Variants in ANKFN1 observed in about 807,000 individuals in gnomAD.
ANKFN1 encodes ankyrin repeat and fibronectin type-III domain-containing protein 1.
In ANKFN1, 74 loss-of-function variants were observed where a neutral mutation model predicts 108.7. That is an observed-to-expected ratio of 0.68 (90% CI 0.56 to 0.83). The LOEUF (loss-of-function observed/expected upper bound fraction) is 0.83. Among genes scored for constraint, ANKFN1 ranks in the 40% least tolerant of loss-of-function variants. ANKFN1 has a pLI of 0.00. For missense variants in ANKFN1, 1,505 were observed against 1,382.3 expected (o/e 1.09, Z -1.41); for synonymous variants, 547 against 516.2 (o/e 1.06, Z -0.81).
chr17:56,472,287 T>A (rs1172877408), intron 15 of ANKFN1: 1 of 152,188 alleles, frequency 6.6e-6, no homozygotes, highest in Admixed American at 6.5e-5. Context: ...GCAGTCCATA[T>A]AATCTTGGAC....
intron 4 of ANKFN1, among the ~76,000 whole-genome samples, chr17:56,090,489 C>G (rs1905391593): frequency 6.6e-6 from 1 of 151,258 alleles, no homozygotes; most frequent in Admixed American, 6.6e-5. Context: ...AGAATTGTCT[C>G]TGTGCTTAGG....
chr17:56,435,212 A>G (rs969028396), intron 8 of ANKFN1, among the ~76,000 whole-genome samples: 17 of 152,126 alleles, frequency 1.1e-4, no homozygotes, highest in African/African-American at 4.1e-4. Context: ...GACTTCAAGC[A>G]TTCCAAAGTC....
chr17:56,220,534 T>A (rs1915754685), intron 2 of ANKFN1, among the ~76,000 whole-genome samples: 1 of 151,820 alleles, frequency 6.6e-6, no homozygotes, highest in Admixed American at 6.6e-5. Context: ...GTGGGGCATG[T>A]CTGTAGTCCC....
intron 20 of ANKFN1, among the ~76,000 whole-genome samples, chr17:56,499,468 G>C (rs2051300267): frequency 6.6e-6 from 1 of 152,130 alleles, no homozygotes; most frequent in South Asian, 2.1e-4. Context: ...TAAGGAAAGA[G>C]AACAGGCCCA....
intron 4 of ANKFN1, among the ~76,000 whole-genome samples, chr17:56,335,771 A>G (rs2045789663): frequency 6.6e-6 from 1 of 152,186 alleles, no homozygotes; most frequent in Admixed American, 6.5e-5. Flanking sequence ...GAGTGGTGAG[A>G]GAGGGCATCC....
chr17:56,242,121 C>T (rs1204561547), intron 3 of ANKFN1, among the ~76,000 whole-genome samples: 1 of 152,098 alleles, frequency 6.6e-6, no homozygotes, highest in Non-Finnish European at 1.5e-5. Context: ...GGTAGGGCTG[C>T]TGTAATTTTT....
chr17:56,395,452 G>A (rs1225679580), intron 8 of ANKFN1, among the ~76,000 whole-genome samples: 1 of 152,224 alleles, frequency 6.6e-6, no homozygotes, highest in Non-Finnish European at 1.5e-5. Context: ...GCCTCCCAAA[G>A]ACACAGAGTG....
At chr17:56,407,653 C>G (rs528230839) in intron 8 of ANKFN1, among the ~76,000 whole-genome samples, 30 of 152,256 alleles carry the variant, frequency 2.0e-4, no homozygotes, top group Admixed American at 6.5e-4. Context: ...CCACTCCCAT[C>G]TCAGAACTCC....
chr17:56,426,190 A>G (rs553091417), intron 8 of ANKFN1, among the ~76,000 whole-genome samples: 1 of 152,230 alleles, frequency 6.6e-6, no homozygotes, highest in Admixed American at 6.5e-5. Context: ...ATCCTGGTCA[A>G]TGACCTTCCT....
intron 18 of ANKFN1, among the ~76,000 whole-genome samples, chr17:56,486,912 C>T (rs945322136): frequency 6.6e-6 from 1 of 152,156 alleles, no homozygotes; most frequent in Non-Finnish European, 1.5e-5. Flanking sequence ...GCAAACTGAC[C>T]TTGTTCCTGC....
At chr17:56,488,946 T>C (rs1402813790) in intron 18 of ANKFN1, among the ~76,000 whole-genome samples, 2 of 152,238 alleles carry the variant, frequency 1.3e-5, no homozygotes, top group Non-Finnish European at 2.9e-5. Flanking sequence ...GTATGTGCCA[T>C]ATGCTGTGCT....
chr17:56,231,653 A>G (rs1011614415), intron 3 of ANKFN1, among the ~76,000 whole-genome samples: 7 of 152,202 alleles, frequency 4.6e-5, no homozygotes, highest in East Asian at 1.9e-4. Context: ...TTCCATGCAC[A>G]AAGGCCACGT....
chr17:56,357,157 A>G (rs2046397657), intron 6 of ANKFN1, among the ~76,000 whole-genome samples: 1 of 152,196 alleles, frequency 6.6e-6, no homozygotes, highest in South Asian at 2.1e-4. Flanking sequence ...AGGAAACATG[A>G]CACCTAAGTC....
intron 3 of ANKFN1, among the ~76,000 whole-genome samples, chr17:56,280,008 C>CTTTTTTTTTTTTTT (rs3086033): frequency 7.4e-5 from 10 of 134,854 alleles, no homozygotes; most frequent in African/African-American, 2.6e-4. Context: ...CACATAATGT[C>CTTTTTTTTTTTTTT]TTTTTTTTTT....
At chr17:56,125,110 C>T (rs1906846016) in intron 4 of ANKFN1, among the ~76,000 whole-genome samples, 1 of 152,218 alleles carries the variant, frequency 6.6e-6, no homozygotes, top group Admixed American at 6.5e-5. Flanking sequence ...CTTACATTGA[C>T]CTCTCTTTTC....
chr17:56,138,238 T>C (rs1907705622), intron 4 of ANKFN1, among the ~76,000 whole-genome samples: 1 of 152,174 alleles, frequency 6.6e-6, no homozygotes, highest in Admixed American at 6.5e-5. Flanking sequence ...ATGAACCCTA[T>C]TGGATATATA....
chr17:56,368,576 G>A (rs78969621), intron 6 of ANKFN1, among the ~76,000 whole-genome samples: 18,812 of 151,620 alleles, frequency 0.12, 3,902 homozygotes, highest in African/African-American at 0.43. Flanking sequence ...CACCGCGCCC[G>A]GCTGAAAATG....
chr17:56,291,899 T>C (rs915930913), intron 3 of ANKFN1, among the ~76,000 whole-genome samples: 5 of 152,214 alleles, frequency 3.3e-5, no homozygotes, highest in African/African-American at 1.2e-4. Context: ...CAGGAATTAG[T>C]TAGCTTAGAG....
chr17:56,383,363 C>T (rs1422718599), intron 8 of ANKFN1, among the ~76,000 whole-genome samples: 1 of 151,594 alleles, frequency 6.6e-6, no homozygotes, highest in Non-Finnish European at 1.5e-5. Context: ...ACTAAATGCC[C>T]CCAAGAGAAA....
Sources: gnomAD v4.1 joint callset for allele counts (sites outside exome capture counted in the v4.1 genomes callset) on GRCh38, gnomAD v4.1.1 for gene constraint, MANE v1.5 for transcripts, NCBI Gene and HGNC (gene_info 2026-07-23, HGNC 2026-07-21) for gene names.